The following FREM2 variants were observed in gnomAD, a reference collection of about 807,000 sequenced individuals.
FREM2 encodes the protein FRAS1 related extracellular matrix 2.
Under a neutral mutation model 219.9 loss-of-function variants are expected in FREM2, and 119 were observed. That is an observed-to-expected ratio of 0.54 (90% CI 0.47 to 0.63). The LOEUF (loss-of-function observed/expected upper bound fraction) is 0.63, where lower values mean the gene tolerates loss of function less well. Among genes scored for constraint, FREM2 ranks in the 30% least tolerant of loss-of-function variants. The probability of loss-of-function intolerance (pLI) is 0.00; values close to 1 mark genes in which losing one functional copy is unlikely to be tolerated. For synonymous variants in FREM2, 1,562 were observed against 1,522.8 expected (o/e 1.03, Z -0.60); for missense variants, 4,030 against 3,993.6 (o/e 1.01, Z -0.25).
intron 3 of FREM2, 61 bp downstream of exon 3, chr13:38,764,511 C>G (rs1390809964): frequency 9.9e-7 from 1 of 1,005,310 alleles, no homozygotes; most frequent in Non-Finnish European, 1.5e-6. Flanking sequence ...GTTTATAATT[C>G]TACAGTGATT....
chr13:38,805,103 G>A (rs374747237), intron 6 of FREM2, among the ~76,000 whole-genome samples: 35 of 152,168 alleles, frequency 2.3e-4, no homozygotes, highest in African/African-American at 7.5e-4. Context: ...AGAGTCATTG[G>A]CAGTAGAGCC....
intron 3 of FREM2, among the ~76,000 whole-genome samples, chr13:38,768,547 G>A (rs1873532478): frequency 6.6e-6 from 1 of 152,084 alleles, no homozygotes; most frequent in South Asian, 2.1e-4. Flanking sequence ...AAACTGCTGG[G>A]ATGATAAACC....
At chr13:38,725,878 A>G (rs1220736341) in intron 2 of FREM2, among the ~76,000 whole-genome samples, 1 of 152,214 alleles carries the variant, frequency 6.6e-6, no homozygotes, top group Non-Finnish European at 1.5e-5. Context: ...TAGGCATGTC[A>G]AGATGGCGAT....
chr13:38,861,401 C>G, intron 14 of FREM2, 30 bp from the exon 15 acceptor site: 1 of 1,608,190 alleles, frequency 6.2e-7, no homozygotes. Context: ...ACCTTCTTTT[C>G]GCATAAATAT....
intron 16 of FREM2, among the ~76,000 whole-genome samples, chr13:38,867,099 C>T (rs1044789698): frequency 6.6e-6 from 1 of 152,262 alleles, no homozygotes; most frequent in Non-Finnish European, 1.5e-5. Context: ...CTCTGCTTCT[C>T]TATTGGAACT....
chr13:38,856,279 A>G (rs1426342240), intron 12 of FREM2, 23 bp downstream of exon 12: 7 of 1,606,414 alleles, frequency 4.4e-6, no homozygotes, highest in Middle Eastern at 1.7e-4. Context: ...ATGTGTATGT[A>G]AATTCATGGC....
At chr13:38,772,858 G>A (rs1175434009) in intron 4 of FREM2, among the ~76,000 whole-genome samples, 3 of 151,794 alleles carry the variant, frequency 2.0e-5, no homozygotes, top group Admixed American at 6.6e-5. Context: ...CACCACGCCC[G>A]GCTAATTTTT....
In FREM2 at chr13:38,690,985, A is replaced by G. The variant is rs753183092; in HGVS notation, c.3641A>G (p.Asn1214Ser). The change falls in exon 1 of 24, where the codon AAT becomes AGT. Residue 1214 changes from asparagine (N) to serine (S), a missense_variant. Coordinates refer to ENST00000280481, the MANE Select transcript of FREM2 (RefSeq NM_207361.6). ...CTGGTAATTGATACACCCATTCTCA[A>G]TGCTGCTGATGCTGATGTTCCCCTG... The part of the protein sequence containing the change: ...MSLVIDTPIL[N>S]AADADVPLDD... 1.2e-6 allele frequency: 2 copies of G among 1,614,098 alleles called. No individual in the cohort carries two copies. Among genetic ancestry groups the G allele is most frequent in the Admixed American group, 1.7e-5 (1 of 60,020 alleles).
chr13:38,735,696 T>TA (rs1871963797), intron 2 of FREM2, among the ~76,000 whole-genome samples: 1 of 152,180 alleles, frequency 6.6e-6, no homozygotes, highest in Non-Finnish European at 1.5e-5. Flanking sequence ...TTGTTACTCC[T>TA]AAAACAGAGT....
At chr13:38,812,882 C>CAA (rs201198683) in intron 6 of FREM2, among the ~76,000 whole-genome samples, 24 of 132,872 alleles carry the variant, frequency 1.8e-4, no homozygotes, top group Admixed American at 5.0e-4. Flanking sequence ...GACCCTATGT[C>CAA]AAAAAAACAA....
intron 13 of FREM2, 48 bp from the exon 14 acceptor site, chr13:38,859,239 C>G (rs745527679): frequency 3.8e-5 from 60 of 1,574,344 alleles, no homozygotes; most frequent in South Asian, 3.8e-4. Context: ...AGAATGCGTT[C>G]CACCTGTTCT....
intron 6 of FREM2, among the ~76,000 whole-genome samples, chr13:38,835,083 T>C (rs1292827212): frequency 6.6e-6 from 1 of 152,228 alleles, no homozygotes; most frequent in Non-Finnish European, 1.5e-5. Flanking sequence ...TGTCATTAGG[T>C]CTTACATTTA....
chr13:38,736,130 G>A (rs1349818843), intron 2 of FREM2, among the ~76,000 whole-genome samples: 3 of 152,184 alleles, frequency 2.0e-5, no homozygotes, highest in African/African-American at 7.2e-5. Context: ...ATTCAGCCCA[G>A]CTTTTCTTTG....
chr13:38,732,464 A>T (rs1472092902), intron 2 of FREM2, among the ~76,000 whole-genome samples: 1 of 152,228 alleles, frequency 6.6e-6, no homozygotes, highest in Non-Finnish European at 1.5e-5. Context: ...TTTTCAAAGC[A>T]TACTAAATGC....
rs1324988641 is a variant in FREM2, at chr13:38,687,801, C to T, written c.457C>T (p.Leu153=). Residue 153 remains leucine, a synonymous_variant, in exon 1 of 24, where the codon CTG becomes TTG. Transcript: ENST00000280481. ...CAGCCCGTCTCGGGACCGCGTCCGG[C>T]TGCAGCTGCGCTATGACGCGCCCGG... The part of the protein sequence containing the change: ...ARSPSRDRVR[L]QLRYDAPGGA... 1 of 1,540,670 alleles carries T rather than the reference C, an allele frequency of 6.5e-7. No individual in the cohort carries two copies. Among genetic ancestry groups the T allele is most frequent in the South Asian group, 1.3e-5 (1 of 79,566 alleles).
intron 2 of FREM2, among the ~76,000 whole-genome samples, chr13:38,701,648 T>C (rs2138083726): frequency 6.6e-6 from 1 of 152,216 alleles, no homozygotes; most frequent in Admixed American, 6.5e-5. Context: ...TCTAGCTCTT[T>C]ATTGTGATGT....
At chr13:38,851,939 G>C in intron 11 of FREM2, 71 bp downstream of exon 11, 1 of 1,311,550 alleles carries the variant, frequency 7.6e-7, no homozygotes, top group Non-Finnish European at 1.1e-6. Flanking sequence ...GTGCCCTTAA[G>C]GAAAAGAAGG....
chr13:38,818,389 G>A (rs1378117367), intron 6 of FREM2, among the ~76,000 whole-genome samples: 2 of 151,990 alleles, frequency 1.3e-5, no homozygotes, highest in East Asian at 3.9e-4. Flanking sequence ...AGACAACATG[G>A]GTGAACCTGG....
At chr13:38,706,214 C>A (rs540602438) in intron 2 of FREM2, among the ~76,000 whole-genome samples, 4 of 152,046 alleles carry the variant, frequency 2.6e-5, no homozygotes, top group African/African-American at 9.7e-5. Context: ...TATAACCCTT[C>A]GAAACATCTG....
Sources: allele counts gnomAD v4.1 joint callset (sites outside exome capture counted in the v4.1 genomes callset), GRCh38; gene constraint gnomAD v4.1.1; transcripts MANE v1.5; gene names NCBI Gene and HGNC (gene_info 2026-07-23, HGNC 2026-07-21).